KIF15: variants seen among roughly 807,000 people sequenced by gnomAD.
KIF15 encodes kinesin-like protein KIF15.
A neutral mutation model predicts 190.6 loss-of-function variants in KIF15; 140 were observed. That is an observed-to-expected ratio of 0.73 (90% CI 0.64 to 0.84). KIF15 has a LOEUF of 0.84. Ranked by LOEUF, KIF15 falls within the 40% of genes least tolerant of loss-of-function variation. The probability of loss-of-function intolerance (pLI) is 0.00; values close to 1 mark genes in which losing one functional copy is unlikely to be tolerated. For missense variants in KIF15, 1,372 were observed against 1,584.4 expected, an observed-to-expected ratio of 0.87 and a Z score of 2.28; for synonymous variants, 528 against 551.3, an observed-to-expected ratio of 0.96 and a Z score of 0.59.
At chr3:44,771,347 C>T (rs1259629983) in intron 1 of KIF15, among the ~76,000 whole-genome samples, 5 of 152,192 alleles carry the variant, frequency 3.3e-5, no homozygotes, top group African/African-American at 9.6e-5. Flanking sequence ...TGGCCAGACA[C>T]TAGAATTTTA....
At chr3:44,862,042 G>A in intron 6 of KIF15, 1 of 1,354,818 alleles carries the variant, frequency 7.4e-7, no homozygotes, top group Non-Finnish European at 9.5e-7. Flanking sequence ...CTTTTGGGGC[G>A]TATTCAACTG....
At chr3:44,798,037 A>T in intron 10 of KIF15, 81 bp downstream of exon 10, 1 of 1,229,814 alleles carries the variant, frequency 8.1e-7, no homozygotes, top group Non-Finnish European at 1.1e-6. Flanking sequence ...GATTGCCCTA[A>T]TATTAACATT....
In KIF15 at chr3:44,848,063, A is replaced by ATT; in HGVS notation, c.3768+14_3768+15dup. ...TCAAAGAAAGACTTGCAAAAGTAAG[A>ATT]TTTTTTTTTATGTAATAGTTTCTTC... On this transcript the variant is annotated splice_region_variant and intron_variant, in intron 31 of 34. Coordinates refer to ENST00000326047, the MANE Select transcript of KIF15 (RefSeq NM_020242.3). 2 of 1,536,030 alleles carry ATT rather than the reference A, an allele frequency of 1.3e-6. No individual in the cohort carries two copies. The highest frequency in any genetic ancestry group is 1.8e-6 in the Non-Finnish European group (2 of 1,113,136).
At chr3:44,834,076 G>A (rs559349241) in intron 26 of KIF15, among the ~76,000 whole-genome samples, 1 of 151,960 alleles carries the variant, frequency 6.6e-6, no homozygotes, top group African/African-American at 2.4e-5. Context: ...ATGTGACTAC[G>A]AATATTGTAT....
intron 7 of KIF15, among the ~76,000 whole-genome samples, chr3:44,789,747 A>G (rs546212353): frequency 6.7e-6 from 1 of 148,744 alleles, no homozygotes; most frequent in Non-Finnish European, 1.5e-5. Flanking sequence ...ACATCCTTAT[A>G]GGTTCTTGGA....
At chr3:44,802,782 T>C in intron 13 of KIF15, 32 bp from the exon 14 acceptor site, 1 of 1,505,592 alleles carries the variant, frequency 6.6e-7, no homozygotes. Context: ...TGTTTGTAAA[T>C]ATATAATGCG....
intron 32 of KIF15, among the ~76,000 whole-genome samples, chr3:44,849,273 T>C (rs747523623): frequency 1.3e-4 from 20 of 152,230 alleles, no homozygotes; most frequent in African/African-American, 3.9e-4. Context: ...TCATTGTAAG[T>C]TTAAATTGTT....
intron 16 of KIF15, among the ~76,000 whole-genome samples, chr3:44,807,444 C>T (rs1279468127): frequency 5.9e-5 from 9 of 152,080 alleles, no homozygotes; most frequent in Admixed American, 3.3e-4. Flanking sequence ...AGGCTAGTCT[C>T]GAACTCCTGA....
chr3:44,801,653 C>A, intron 12 of KIF15, 112 bp from the exon 13 acceptor site: 2 of 963,398 alleles, frequency 2.1e-6, no homozygotes, highest in African/African-American at 1.6e-5. Flanking sequence ...TATGAAAAAT[C>A]AAATTTTGCC....
chr3:44,825,309 A>G (rs1034596268), intron 20 of KIF15, among the ~76,000 whole-genome samples: 1 of 152,204 alleles, frequency 6.6e-6, no homozygotes, highest in Non-Finnish European at 1.5e-5. Flanking sequence ...TTGCCCATGT[A>G]TCTGTCTTTA....
At chr3:44,854,497 A>G (rs918958410), downstream of KIF15, among the ~76,000 whole-genome samples, 3 of 152,228 alleles carry the variant, frequency 2.0e-5, no homozygotes, top group African/African-American at 7.2e-5. Context: ...AAGGGCCAAA[A>G]ATGAAAAAGG....
At position 44,786,574 on chromosome 3, in the gene KIF15, G is replaced by T. The variant is rs770540952; in HGVS notation, c.639G>T (p.Gln213His). 1 of 1,607,044 alleles carries T rather than the reference G, an allele frequency of 6.2e-7. No individual in the cohort carries two copies. ...QVVTSAAEAY[Q>H]VLSGGWRNRR... ...TAACCTCAGCTGCTGAAGCCTATCAGGTACCCTGCCATGAGTACTTAATTG... is the reference window on the plus strand; with the variant it reads ...TAACCTCAGCTGCTGAAGCCTATCATGTACCCTGCCATGAGTACTTAATTG... Residue 213 changes from glutamine (Q) to histidine (H), a missense_variant and splice_region_variant, in exon 7 of 35, where the codon CAG (glutamine) becomes CAT (histidine). Coordinates refer to ENST00000326047, the MANE Select transcript of KIF15 (RefSeq NM_020242.3).
chr3:44,784,891 C>T lies in KIF15; in HGVS notation c.408C>T (p.Ile136=). 6.3e-7 allele frequency: 1 copy of T among 1,581,626 alleles called. No individual in the cohort carries two copies. The highest frequency in any genetic ancestry group is 8.6e-7 in the Non-Finnish European group (1 of 1,161,354). Residue 136 remains isoleucine (I), a synonymous_variant, in exon 6 of 35, where the codon ATC becomes ATT. Coordinates refer to ENST00000326047, the MANE Select transcript of KIF15 (RefSeq NM_020242.3). ...TTTCTCATAACCTGAGAGGAGTAAT[C>T]CCACGAAGTTTTGAATATTTGTTTT... is the stretch of plus-strand genomic sequence containing the variant. ...DNFSHNLRGV[I]PRSFEYLFSL...
chr3:44,801,258 C>T (rs1173798792), intron 11 of KIF15, among the ~76,000 whole-genome samples, 192 bp from the exon 12 acceptor site: 1 of 151,448 alleles, frequency 6.6e-6, no homozygotes, highest in Non-Finnish European at 1.5e-5. Context: ...GAACTGCTGA[C>T]CTCAAGAAAG....
At chr3:44,794,142 A>G (rs1706855840) in intron 7 of KIF15, 75 bp from the exon 8 acceptor site, 1 of 1,271,738 alleles carries the variant, frequency 7.9e-7, no homozygotes, top group Non-Finnish European at 1.1e-6. Flanking sequence ...TGGCCTCCCA[A>G]ACTGCTAGGA....
At chr3:44,764,930 C>T (rs971099008) in intron 1 of KIF15, among the ~76,000 whole-genome samples, 48 of 152,328 alleles carry the variant, frequency 3.2e-4, no homozygotes, top group Middle Eastern at 6.8e-3. Flanking sequence ...AGCCACTGCA[C>T]CCAGCCTAGA....
chr3:44,850,072 A>G (rs998863031), intron 32 of KIF15, among the ~76,000 whole-genome samples: 1 of 152,208 alleles, frequency 6.6e-6, no homozygotes, highest in African/African-American at 2.4e-5. Context: ...GTAAATGGCA[A>G]TGAAGGAGTT....
intron 8 of KIF15, among the ~76,000 whole-genome samples, chr3:44,795,990 T>C (rs748738597): frequency 3.3e-5 from 5 of 152,078 alleles, no homozygotes; most frequent in African/African-American, 1.2e-4. Context: ...GCCTCCCAAG[T>C]AGCTGAGATT....
chr3:44,845,115 CT>C (rs1159720895), intron 30 of KIF15, among the ~76,000 whole-genome samples: 6 of 152,312 alleles, frequency 3.9e-5, no homozygotes, highest in African/African-American at 1.4e-4. Flanking sequence ...ACAGCCATGA[CT>C]CTGCGAATAA....
Sources: allele counts gnomAD v4.1 joint callset (sites outside exome capture counted in the v4.1 genomes callset), GRCh38; gene constraint gnomAD v4.1.1; transcripts MANE v1.5; gene names NCBI Gene and HGNC (gene_info 2026-07-23, HGNC 2026-07-21).